Variants in CLMP observed in about 807,000 individuals in gnomAD.
CLMP encodes the protein CXADR-like membrane protein.
In CLMP, 27 loss-of-function variants were observed where a neutral mutation model predicts 45.2. The ratio of observed to expected loss-of-function variants is 0.60; its 90% CI spans 0.44 to 0.82. The LOEUF (loss-of-function observed/expected upper bound fraction) is 0.82, where lower values mean the gene tolerates loss of function less well. Ranked by LOEUF, CLMP falls within the 40% of genes least tolerant of loss-of-function variation. The pLI, the probability that CLMP is intolerant of heterozygous loss-of-function variation, is 0.00. For missense variants in CLMP, 403 were observed against 448.4 expected, an observed-to-expected ratio of 0.90 and a Z score of 0.91; for synonymous variants, 167 against 171.4, an observed-to-expected ratio of 0.97 and a Z score of 0.20.
intron 1 of CLMP, among the ~76,000 whole-genome samples, chr11:123,111,911 C>A (rs1299020913): frequency 3.3e-5 from 5 of 152,034 alleles, no homozygotes; most frequent in Admixed American, 6.6e-5. Flanking sequence ...TGTCTAAGAC[C>A]AAAAAAGACT....
intron 1 of CLMP, among the ~76,000 whole-genome samples, chr11:123,187,640 A>G (rs1472231841): frequency 2.0e-5 from 3 of 152,176 alleles, no homozygotes; most frequent in Non-Finnish European, 4.4e-5. Context: ...GTAGATGGCC[A>G]TTCTTAATTA....
At chr11:123,073,886 A>G in intron 6 of CLMP, 112 bp from the exon 7 acceptor site, 1 of 1,117,228 alleles carries the variant, frequency 9.0e-7, no homozygotes, top group South Asian at 1.6e-5. Context: ...TACCATCGGA[A>G]GGCAACCATT....
intron 1 of CLMP, among the ~76,000 whole-genome samples, chr11:123,100,943 C>T (rs1002861410): frequency 1.3e-5 from 2 of 152,084 alleles, no homozygotes; most frequent in African/African-American, 4.8e-5. Flanking sequence ...CCTCCTCCCC[C>T]ACCGCCTGCC....
At chr11:123,094,028 T>C (rs1248448763) in intron 2 of CLMP, among the ~76,000 whole-genome samples, 1 of 152,210 alleles carries the variant, frequency 6.6e-6, no homozygotes, top group African/African-American at 2.4e-5. Context: ...ATAGCACATA[T>C]TACACTTTCA....
chr11:123,087,525 A>G (rs1333057209), intron 2 of CLMP, among the ~76,000 whole-genome samples: 1 of 151,672 alleles, frequency 6.6e-6, no homozygotes, highest in Non-Finnish European at 1.5e-5. Context: ...ATAAAATGAA[A>G]TAAATAAATA....
At chr11:123,132,054 AC>A (rs763431556) in intron 1 of CLMP, among the ~76,000 whole-genome samples, 19 of 152,254 alleles carry the variant, frequency 1.2e-4, no homozygotes, top group Non-Finnish European at 1.9e-4. Context: ...AGTAAGAAGT[AC>A]AAAAGTGAAG....
chr11:123,089,491 T>A (rs1287732787), intron 2 of CLMP, among the ~76,000 whole-genome samples: 1 of 149,574 alleles, frequency 6.7e-6, no homozygotes, highest in East Asian at 2.0e-4. Context: ...AATGACCAGG[T>A]GCAGTGGCTC....
chr11:123,094,036 T>G (rs1258189839), intron 2 of CLMP, among the ~76,000 whole-genome samples: 1 of 152,182 alleles, frequency 6.6e-6, no homozygotes, highest in Non-Finnish European at 1.5e-5. Context: ...TATTACACTT[T>G]CACATTATTT....
At chr11:123,081,524 G>A (rs1451002606) in intron 5 of CLMP, among the ~76,000 whole-genome samples, 1 of 152,158 alleles carries the variant, frequency 6.6e-6, no homozygotes, top group Non-Finnish European at 1.5e-5. Context: ...TGTATGTCAA[G>A]CCCTGTTCCT....
chr11:123,087,695 C>A (rs931347458), intron 2 of CLMP, among the ~76,000 whole-genome samples: 1 of 151,370 alleles, frequency 6.6e-6, no homozygotes, highest in African/African-American at 2.4e-5. Context: ...GTGGCATATG[C>A]CTGTAGTCCC....
intron 1 of CLMP, among the ~76,000 whole-genome samples, chr11:123,116,139 C>T (rs1042601223): frequency 6.6e-5 from 10 of 151,922 alleles, no homozygotes; most frequent in South Asian, 4.2e-4. Flanking sequence ...TCAGAGGAGA[C>T]GTCTAATCTC....
chr11:123,102,639 G>C (rs1397185588), intron 1 of CLMP, among the ~76,000 whole-genome samples: 1 of 138,242 alleles, frequency 7.2e-6, no homozygotes, highest in South Asian at 2.3e-4. Context: ...GCAGTGGCTC[G>C]ATCTCCTCTC....
chr11:123,150,488 G>GAAAGAAAGAAA (rs1263238542), intron 1 of CLMP, among the ~76,000 whole-genome samples: 3 of 47,838 alleles, frequency 6.3e-5, no homozygotes, highest in Non-Finnish European at 1.3e-4. Flanking sequence ...AGAAAGGAAG[G>GAAAGAAAGAAA]AAGGAAGGAA....
At chr11:123,087,490 CA>C (rs1865878859) in intron 2 of CLMP, among the ~76,000 whole-genome samples, 1 of 147,162 alleles carries the variant, frequency 6.8e-6, no homozygotes. Context: ...GCCTGGGCAA[CA>C]TAACAAGATT....
At position 123,097,920 on chromosome 11, in the gene CLMP, T is replaced by C; in HGVS notation, c.61A>G (p.Thr21Ala). Residue 21 changes from threonine (T) to alanine (A), a missense_variant, in exon 2 of 7, where the codon ACT (threonine) becomes GCT (alanine). Transcript: ENST00000448775. ...SYYVGTLGTHTEIKRVAEEKV... is the reference protein window; with the variant it reads ...SYYVGTLGTHAEIKRVAEEKV... Reference sequence around the variant, plus strand: ...TCCTCTGCCACTCTCTTGATCTCAGTGTGAGTCCCCAAGGTTCCAACATAG... The same window carrying C: ...TCCTCTGCCACTCTCTTGATCTCAGCGTGAGTCCCCAAGGTTCCAACATAG... 4 of 1,594,796 alleles carry C rather than the reference T, an allele frequency of 2.5e-6. No individual in the cohort carries two copies. The highest frequency in any genetic ancestry group is 1.1e-5 in the South Asian group (1 of 87,886).
At position 123,097,689 on chromosome 11, in the gene CLMP, A is replaced by C. The variant is rs1866005986; in HGVS notation, c.186+106T>G. Reference sequence around the variant, plus strand: ...CTTTCAAGTAGAAGCCAGATGAAAAAGGAACTCCAGCTCTTTCAGAGCCAG... The same window carrying C: ...CTTTCAAGTAGAAGCCAGATGAAAACGGAACTCCAGCTCTTTCAGAGCCAG... On this transcript the variant is annotated intron_variant, in intron 2 of 6. Transcript: ENST00000448775. The C allele has an allele frequency of 3.5e-6, 3 of 861,342 alleles. No homozygotes were observed. The Admixed American group carries it at 8.0e-5, about 23-fold the overall frequency. The allele number at this position is 861,342 out of a possible 1,614,324, so 53.4% of individuals were successfully genotyped here. A position where few individuals can be genotyped will look rare whatever the true frequency, so the allele number is the denominator to read the frequency against.
chr11:123,121,005 G>A (rs1449267059), intron 1 of CLMP, among the ~76,000 whole-genome samples: 1 of 151,460 alleles, frequency 6.6e-6, no homozygotes, highest in African/African-American at 2.4e-5. Context: ...GCAGGAGCCT[G>A]TAGTCCCAGC....
intron 1 of CLMP, among the ~76,000 whole-genome samples, chr11:123,185,921 T>C (rs1861828717): frequency 6.6e-6 from 1 of 151,850 alleles, no homozygotes; most frequent in African/African-American, 2.4e-5. Context: ...CTCATTGGAG[T>C]TTAATTTTGA....
intron 1 of CLMP, among the ~76,000 whole-genome samples, chr11:123,157,013 A>G (rs923783170): frequency 1.3e-5 from 2 of 152,232 alleles, no homozygotes; most frequent in African/African-American, 4.8e-5. Flanking sequence ...TACTCCCAGG[A>G]AAACAGAGGA....
Sources: gnomAD v4.1 joint callset for allele counts (sites outside exome capture counted in the v4.1 genomes callset) on GRCh38, gnomAD v4.1.1 for gene constraint, MANE v1.5 for transcripts, NCBI Gene and HGNC (gene_info 2026-07-23, HGNC 2026-07-21) for gene names.